The following GPR39 variants were observed in gnomAD, a reference collection of about 807,000 sequenced individuals.
The protein encoded by GPR39 is zinc sensing receptor.
GPR39 carries 23 observed loss-of-function variants against 18.4 expected under a neutral mutation model. That is an observed-to-expected ratio of 1.25 (90% CI 0.90 to 1.77). GPR39 has a LOEUF of 1.77. GPR39 is among the 40% of genes most tolerant of loss of function. The pLI is 0.00. For missense variants in GPR39, 647 were observed against 602.4 expected (o/e 1.07, Z -0.78); for synonymous variants, 280 against 257.9 (o/e 1.09, Z -0.82).
intron 1 of GPR39, among the ~76,000 whole-genome samples, chr2:132,473,790 T>A (rs529763405): frequency 6.6e-6 from 1 of 152,212 alleles, no homozygotes; most frequent in East Asian, 1.9e-4. Context: ...TCTTTCAGAT[T>A]TTTGGTTGTG....
intron 1 of GPR39, among the ~76,000 whole-genome samples, chr2:132,579,093 C>G (rs764128323): frequency 6.6e-6 from 1 of 150,792 alleles, no homozygotes; most frequent in Non-Finnish European, 1.5e-5. Context: ...TAAACATATG[C>G]TTTCAGTACT....
At chr2:132,523,484 AAAAG>A (rs1679459435) in intron 1 of GPR39, 1 of 152,172 alleles carries the variant, frequency 6.6e-6, no homozygotes, top group African/African-American at 2.4e-5. Flanking sequence ...GTAGAAAAAA[AAAAG>A]GAGTCCAATC....
At chr2:132,628,142 GCC>G (rs1273262764) in intron 1 of GPR39, among the ~76,000 whole-genome samples, 2 of 152,096 alleles carry the variant, frequency 1.3e-5, no homozygotes, top group African/African-American at 4.8e-5. Context: ...AGCAAATACA[GCC>G]TTGCTCTGGG....
intron 1 of GPR39, among the ~76,000 whole-genome samples, chr2:132,429,347 A>G (rs1680184506): frequency 6.6e-6 from 1 of 152,246 alleles, no homozygotes; most frequent in Admixed American, 6.5e-5. Context: ...TCAGGGAGGC[A>G]AGAAATTATG....
chr2:132,461,890 A>G (rs1283254836), intron 1 of GPR39, among the ~76,000 whole-genome samples: 1 of 152,192 alleles, frequency 6.6e-6, no homozygotes, highest in African/African-American at 2.4e-5. Flanking sequence ...AGCCCCACAC[A>G]CATTAGTGAG....
chr2:132,521,702 T>C (rs111725358), intron 1 of GPR39, among the ~76,000 whole-genome samples: 9 of 133,748 alleles, frequency 6.7e-5, no homozygotes, highest in Non-Finnish European at 1.5e-4. Flanking sequence ...CTTTTTCTTT[T>C]CCCCCCCTTA....
intron 1 of GPR39, among the ~76,000 whole-genome samples, chr2:132,603,413 C>G (rs1681079538): frequency 6.6e-6 from 1 of 151,964 alleles, no homozygotes; most frequent in African/African-American, 2.4e-5. Flanking sequence ...CTAATGGATA[C>G]AAAATTACAG....
chr2:132,546,810 T>C (rs902766364), intron 1 of GPR39, among the ~76,000 whole-genome samples: 4 of 135,858 alleles, frequency 2.9e-5, no homozygotes, highest in South Asian at 2.4e-4. Context: ...TTGAGAGCTG[T>C]TGTTCTCCAG....
chr2:132,642,676 G>A (rs1180682061), intron 1 of GPR39, among the ~76,000 whole-genome samples: 1 of 152,172 alleles, frequency 6.6e-6, no homozygotes, highest in Non-Finnish European at 1.5e-5. Flanking sequence ...TTGTCTGTTG[G>A]CTTTAAAAGC....
At chr2:132,453,122 C>A (rs182928167) in intron 1 of GPR39, among the ~76,000 whole-genome samples, 2 of 152,298 alleles carry the variant, frequency 1.3e-5, no homozygotes, top group East Asian at 3.9e-4. Context: ...TCCTATTTCT[C>A]TACATCCTCT....
chr2:132,456,596 T>A (rs150981204), intron 1 of GPR39, among the ~76,000 whole-genome samples: 151 of 152,358 alleles, frequency 9.9e-4, no homozygotes, highest in African/African-American at 3.4e-3. Context: ...CAATTTGGCA[T>A]GTTTTTGCAG....
At chr2:132,641,949 C>G (rs1681863983) in intron 1 of GPR39, among the ~76,000 whole-genome samples, 1 of 152,124 alleles carries the variant, frequency 6.6e-6, no homozygotes, top group African/African-American at 2.4e-5. Context: ...AAGATGTGTC[C>G]TAGCTATTGC....
At chr2:132,450,466 T>C (rs1229489375) in intron 1 of GPR39, among the ~76,000 whole-genome samples, 2 of 152,268 alleles carry the variant, frequency 1.3e-5, no homozygotes, top group East Asian at 3.8e-4. Flanking sequence ...TGACTTTTCA[T>C]TTCTTATCTG....
intron 1 of GPR39, among the ~76,000 whole-genome samples, chr2:132,557,535 A>G (rs16835598): frequency 0.16 from 24,050 of 151,960 alleles, 2,316 homozygotes; most frequent in African/African-American, 0.26. Flanking sequence ...TTCAATTACC[A>G]TAAGAGAAAA....
chr2:132,634,857 A>G (rs1385555247), intron 1 of GPR39, among the ~76,000 whole-genome samples: 1 of 152,156 alleles, frequency 6.6e-6, no homozygotes, highest in South Asian at 2.1e-4. Flanking sequence ...TGACTTGCAT[A>G]TGTACTCTGT....
chr2:132,497,454 C>A (rs938104166), intron 1 of GPR39, among the ~76,000 whole-genome samples: 3 of 152,128 alleles, frequency 2.0e-5, no homozygotes, highest in Non-Finnish European at 4.4e-5. Context: ...TAAGAACTTA[C>A]GTGACTACCA....
At chr2:132,621,975 T>C (rs910216980) in intron 1 of GPR39, among the ~76,000 whole-genome samples, 3 of 152,064 alleles carry the variant, frequency 2.0e-5, no homozygotes, top group East Asian at 3.9e-4. Context: ...GGGATATGCA[T>C]AGAGATGGCC....
intron 1 of GPR39, among the ~76,000 whole-genome samples, chr2:132,591,482 T>C (rs1680842860): frequency 6.6e-6 from 1 of 152,036 alleles, no homozygotes; most frequent in Admixed American, 6.5e-5. Context: ...ACTTTTGAGG[T>C]TTGGGGACTT....
At chr2:132,512,629 T>C (rs914201241) in intron 1 of GPR39, among the ~76,000 whole-genome samples, 7 of 152,204 alleles carry the variant, frequency 4.6e-5, no homozygotes, top group African/African-American at 1.7e-4. Flanking sequence ...ATCTCATCTG[T>C]ACTAGGGACT....
Sources: gnomAD v4.1 joint callset for allele counts (sites outside exome capture counted in the v4.1 genomes callset) on GRCh38, gnomAD v4.1.1 for gene constraint, MANE v1.5 for transcripts, NCBI Gene and HGNC (gene_info 2026-07-23, HGNC 2026-07-21) for gene names.